SACS: variants seen among roughly 807,000 people sequenced by gnomAD.
SACS encodes sacsin molecular chaperone, also known as sacsin.
SACS carries 197 observed loss-of-function variants against 348.0 expected under a neutral mutation model. The ratio of observed to expected loss-of-function variants is 0.57; its 90% CI spans 0.50 to 0.64. The LOEUF is 0.64. Among genes scored for constraint, SACS ranks in the 30% least tolerant of loss-of-function variants. SACS has a pLI of 0.00. For missense variants in SACS, 4,999 were observed against 5,360.8 expected (o/e 0.93, Z 2.11); for synonymous variants, 1,985 against 1,910.6 (o/e 1.04, Z -1.02).
rs751374117 is a variant in SACS at position 23,337,193 on chromosome 13, T to C, written c.6683A>G (p.Asp2228Gly). The C allele has an allele frequency of 6.8e-6, 11 of 1,613,840 alleles. No homozygotes were observed. The African/African-American group carries it at 9.3e-5, about 14-fold the overall frequency. The change falls in exon 10 of 10, where the codon GAC becomes GGC. Residue 2228 changes from aspartate (D) to glycine (G), a missense_variant. Physicochemically the swap from Asp to Gly is moderately conservative, Grantham distance 94. Coordinates refer to ENST00000382292, the MANE Select transcript of SACS (RefSeq NM_014363.6). ...AGGCTTAAAACTGTTGCCTTTCCAG[T>C]CCAAAGAAAAACCTGCTGGTTTTGT... ...FLTKPAGFSL[D>G]WKGNSFKPET...
intron 2 of SACS, 35 bp from the exon 3 acceptor site, chr13:23,375,304 G>T: frequency 7.2e-7 from 1 of 1,391,684 alleles, no homozygotes; most frequent in Non-Finnish European, 9.4e-7. Flanking sequence ...GTCGGGCTGC[G>T]GCTGCCACCC....
At chr13:23,427,608 G>A (rs1022179548) in intron 1 of SACS, 4 of 152,274 alleles carry the variant, frequency 2.6e-5, no homozygotes, top group Admixed American at 1.3e-4. Flanking sequence ...GAACAGCCAG[G>A]AGACTGGGGA....
At chr13:23,388,260 G>C (rs929647929) in intron 2 of SACS, among the ~76,000 whole-genome samples, 3 of 151,040 alleles carry the variant, frequency 2.0e-5, no homozygotes, top group African/African-American at 7.3e-5. Context: ...CGTGAACCGG[G>C]CAGGCGGAGT....
chr13:23,362,395 T>C (rs1870792879), intron 6 of SACS, among the ~76,000 whole-genome samples: 1 of 152,074 alleles, frequency 6.6e-6, no homozygotes, highest in Non-Finnish European at 1.5e-5. Context: ...AAGTTGACCT[T>C]AAGAGCTTCT....
At chr13:23,353,265 C>T (rs976101726) in intron 9 of SACS, among the ~76,000 whole-genome samples, 1 of 152,150 alleles carries the variant, frequency 6.6e-6, no homozygotes, top group African/African-American at 2.4e-5. Flanking sequence ...GTCCACACTT[C>T]CCAGAAGCTG....
Position 23,334,311 on chromosome 13 carries a change from TAAAC to T in SACS, c.9561_9564del (p.Phe3188Ter), listed in dbSNP as rs1060503431. 2 of 1,609,050 alleles carry T rather than the reference TAAAC, an allele frequency of 1.2e-6. No homozygotes were observed. Among genetic ancestry groups the T allele is most frequent in the East Asian group, 2.2e-5 (1 of 44,618 alleles). ...CTATATTTCAAATATAATGTATTCA[TAAAC>T]AAGTCTTTGCGGGATGGAATCAATT... On this transcript the variant is annotated frameshift_variant, in exon 10 of 10. Transcript: ENST00000382292. LOFTEE classifies it high-confidence loss of function.
intron 1 of SACS, among the ~76,000 whole-genome samples, chr13:23,430,441 A>C (rs1401773877): frequency 1.3e-5 from 2 of 152,164 alleles, no homozygotes; most frequent in Non-Finnish European, 2.9e-5. Context: ...GTTTCAGATA[A>C]ACCACGAATT....
chr13:23,366,505 T>A (rs1376212359), intron 5 of SACS, among the ~76,000 whole-genome samples: 2 of 152,196 alleles, frequency 1.3e-5, no homozygotes, highest in Non-Finnish European at 2.9e-5. Context: ...AAATTAACAA[T>A]CTTATTTACA....
intron 9 of SACS, chr13:23,346,678 A>G (rs1028407654): frequency 1.7e-5 from 3 of 177,858 alleles, no homozygotes; most frequent in South Asian, 1.9e-4. Context: ...CTTTAATATT[A>G]TAGTTATTAC....
intron 9 of SACS, among the ~76,000 whole-genome samples, chr13:23,348,712 G>A (rs1869769552): frequency 6.6e-6 from 1 of 152,162 alleles, no homozygotes; most frequent in Admixed American, 6.5e-5. Flanking sequence ...AGTACTGAAT[G>A]ATGAATAAAC....
intron 1 of SACS, among the ~76,000 whole-genome samples, chr13:23,424,266 C>T (rs1479550199): frequency 6.6e-6 from 1 of 152,180 alleles, no homozygotes; most frequent in Non-Finnish European, 1.5e-5. Flanking sequence ...TGGCTCACGC[C>T]TATAATCCCA....
At chr13:23,403,406 T>C (rs1222745388) in intron 2 of SACS, among the ~76,000 whole-genome samples, 1 of 152,208 alleles carries the variant, frequency 6.6e-6, no homozygotes, top group Non-Finnish European at 1.5e-5. Context: ...GGCAGGCTAT[T>C]AATTTCTGCC....
At chr13:23,370,484 C>CT (rs1209080081) in intron 4 of SACS, among the ~76,000 whole-genome samples, 2 of 152,144 alleles carry the variant, frequency 1.3e-5, no homozygotes, top group Non-Finnish European at 2.9e-5. Flanking sequence ...CAGATCTACC[C>CT]TACCCACTTA....
chr13:23,398,179 G>A (rs568386717), intron 2 of SACS, among the ~76,000 whole-genome samples: 22 of 151,846 alleles, frequency 1.4e-4, no homozygotes, highest in South Asian at 4.2e-4. Context: ...CAACAAGAGC[G>A]AAACTCCATC....
Position 23,329,211 on chromosome 13 carries a change from G to T in SACS, c.*925C>A. 1 of 453,064 alleles carries T rather than the reference G, an allele frequency of 2.2e-6. No individual in the cohort carries two copies. Among genetic ancestry groups the T allele is most frequent in the Non-Finnish European group, 3.8e-6 (1 of 261,158 alleles). 28.1% of individuals were successfully genotyped at this position (453,064 alleles called of 1,614,324 possible). A position where few individuals can be genotyped will look rare whatever the true frequency, so the allele number is the denominator to read the frequency against. On this transcript the variant is annotated 3_prime_UTR_variant, in exon 10 of 10. Coordinates refer to ENST00000382292, the MANE Select transcript of SACS (RefSeq NM_014363.6). Reference sequence around the variant, plus strand: ...TTTAACAATTTTTGATGTTTTTAAAGTTAAAAAAACTCCACTACATGCCAT... The same window carrying T: ...TTTAACAATTTTTGATGTTTTTAAATTTAAAAAAACTCCACTACATGCCAT...
In SACS at chr13:23,333,808, C is replaced by T. The variant is rs559719069; in HGVS notation, c.10068G>A (p.Glu3356=). The T allele has an allele frequency of 1.9e-6, 3 of 1,613,774 alleles. No individual in the cohort carries two copies. In the South Asian group the frequency reaches 3.3e-5, roughly 18 times the overall value. ...GAGCCTTCAAGATGCTTGTGGGGCTCTCTATATTTGCTGTGTGACATGACA... is the reference window on the plus strand; with the variant it reads ...GAGCCTTCAAGATGCTTGTGGGGCTTTCTATATTTGCTGTGTGACATGACA... ...PLLSCHTANI[E]SPTSILKALH... The change falls in exon 10 of 10, where the codon GAG becomes GAA. Residue 3356 remains glutamate, a synonymous_variant. Transcript: ENST00000382292.
intron 2 of SACS, among the ~76,000 whole-genome samples, chr13:23,402,940 G>A (rs1001789063): frequency 5.6e-5 from 8 of 144,092 alleles, no homozygotes; most frequent in African/African-American, 2.0e-4. Flanking sequence ...CACTTTGGGA[G>A]GCCAAGGCAG....
chr13:23,341,780 C>G, intron 9 of SACS, 90 bp from the exon 10 acceptor site: 5 of 297,862 alleles, frequency 1.7e-5, no homozygotes, highest in Non-Finnish European at 2.3e-5. Context: ...CTGGAAGGTT[C>G]TTTTTTTTTT....
rs771344425 is a variant in SACS, at chr13:23,355,574, C to T, written c.1038G>A (p.Pro346=). ...CAGTTCCCAGAATCTTTATAGAATTCGGCCGCTCATGTTTCAGTGCCTTAC... is the reference window on the plus strand; with the variant it reads ...CAGTTCCCAGAATCTTTATAGAATTTGGCCGCTCATGTTTCAGTGCCTTAC... ...SESKALKHER[P]NSIKILGTAI... is the part of the protein sequence containing the mutation. Residue 346 remains proline, a synonymous_variant, in exon 8 of 10, where the codon CCG becomes CCA. Transcript: ENST00000382292. The T allele has an allele frequency of 1.2e-5, 19 of 1,613,966 alleles. No homozygotes were observed. The highest frequency in any genetic ancestry group is 1.6e-4 in the Middle Eastern group (1 of 6,084).
Sources: allele counts gnomAD v4.1 joint callset (sites outside exome capture counted in the v4.1 genomes callset), GRCh38; gene constraint gnomAD v4.1.1; transcripts MANE v1.5; gene names NCBI Gene and HGNC (gene_info 2026-07-23, HGNC 2026-07-21).